The following RHBDD1 variants were observed in gnomAD, a reference collection of about 807,000 sequenced individuals.
The protein encoded by RHBDD1 is rhomboid domain containing 1, also known as rhomboid-related protein 4.
A neutral mutation model predicts 36.3 loss-of-function variants in RHBDD1; 38 were observed. That is an observed-to-expected ratio of 1.05 (90% confidence interval 0.81 to 1.37). The LOEUF is 1.37. Among genes scored for constraint, RHBDD1 ranks in the 40% most tolerant of loss-of-function variants. The pLI, the probability that RHBDD1 is intolerant of heterozygous loss-of-function variation, is 0.00. For synonymous variants in RHBDD1, 151 were observed against 136.5 expected (o/e 1.11, Z -0.74); for missense variants, 393 against 377.6 (o/e 1.04, Z -0.34).
rs1422246363 is a variant in RHBDD1 at position 226,859,455 on chromosome 2, G to C, written c.-90-5149G>C. 2.0e-5 allele frequency among the ~76,000 whole-genome samples: 3 copies of C among 152,304 alleles called. No individual in the cohort carries two copies. In the East Asian group the frequency reaches 5.8e-4, roughly 29 times the overall value. ...GCAAATACTACACTGTTTTATGTAAGGGACTTGAGCATCCATCGATTTTGG... is the reference window on the plus strand; with the variant it reads ...GCAAATACTACACTGTTTTATGTAACGGACTTGAGCATCCATCGATTTTGG... On this transcript the variant is annotated intron_variant, in intron 3 of 8. Coordinates refer to ENST00000392062, the MANE Select transcript of RHBDD1 (RefSeq NM_001167608.3).
intron 3 of RHBDD1, among the ~76,000 whole-genome samples, chr2:226,861,911 C>CAT (rs1433760035): frequency 3.3e-5 from 5 of 152,324 alleles, no homozygotes; most frequent in Admixed American, 1.3e-4. Context: ...AAGAATGCTA[C>CAT]AGAGCTACAA....
chr2:226,973,883 G>T (rs1444194825), intron 8 of RHBDD1, among the ~76,000 whole-genome samples: 1 of 152,196 alleles, frequency 6.6e-6, no homozygotes, highest in Non-Finnish European at 1.5e-5. Context: ...GATTCTGCCT[G>T]TTCATCCTCC....
the RHBDD1 span, among the ~76,000 whole-genome samples, chr2:226,819,079 T>A: frequency 6.6e-6 from 1 of 152,194 alleles, no homozygotes; most frequent in Non-Finnish European, 1.5e-5. Context: ...TTGACTCGTT[T>A]ATATCACCTG....
chr2:226,864,926 A>G lies in RHBDD1; in HGVS notation c.233A>G (p.Asp78Gly). Reference sequence around the variant, plus strand: ...CTCTCTCCCCTTCACCATGCTGATGATTGGCATTTGTATTTCAATATGGCA... The same window carrying G: ...CTCTCTCCCCTTCACCATGCTGATGGTTGGCATTTGTATTTCAATATGGCA... Reference protein sequence around the residue: ...LLLSPLHHADDWHLYFNMASM... With the variant: ...LLLSPLHHADGWHLYFNMASM... The change falls in exon 4 of 9, where the codon GAT (aspartate) becomes GGT (glycine). Residue 78 changes from aspartate to glycine, a missense_variant. By Grantham distance (94) the Asp-to-Gly change is moderately conservative. Coordinates refer to ENST00000392062, the MANE Select transcript of RHBDD1 (RefSeq NM_001167608.3). 6.2e-7 allele frequency: 1 copy of G among 1,614,206 alleles called. No homozygotes were observed. Among genetic ancestry groups the G allele is most frequent in the Non-Finnish European group, 8.5e-7 (1 of 1,180,030 alleles).
At chr2:226,881,750 TA>T (rs1168084228) in intron 5 of RHBDD1, among the ~76,000 whole-genome samples, 3 of 152,238 alleles carry the variant, frequency 2.0e-5, no homozygotes, top group African/African-American at 7.2e-5. Context: ...ATATTTTCTA[TA>T]AGTTTTTTGG....
chr2:226,953,505 A>C (rs1951572176), intron 8 of RHBDD1, among the ~76,000 whole-genome samples: 1 of 152,210 alleles, frequency 6.6e-6, no homozygotes, highest in Non-Finnish European at 1.5e-5. Flanking sequence ...ATGAGCTCAG[A>C]GCCACATGGC....
chr2:226,956,016 C>T (rs1951765684), intron 8 of RHBDD1, among the ~76,000 whole-genome samples: 1 of 152,264 alleles, frequency 6.6e-6, no homozygotes, highest in East Asian at 1.9e-4. Flanking sequence ...TATTGCAGTC[C>T]CCATGACAGC....
intron 8 of RHBDD1, among the ~76,000 whole-genome samples, chr2:226,954,551 T>C (rs1448872301): frequency 6.6e-6 from 1 of 152,136 alleles, no homozygotes; most frequent in Non-Finnish European, 1.5e-5. Flanking sequence ...TCTTTCAACT[T>C]TTCATCTGGT....
intron 8 of RHBDD1, among the ~76,000 whole-genome samples, chr2:226,981,672 T>G (rs1955800614): frequency 6.6e-6 from 1 of 152,138 alleles, no homozygotes; most frequent in African/African-American, 2.4e-5. Flanking sequence ...AAGTGGTTAA[T>G]TAGACTCAGG....
At chr2:226,898,261 G>A (rs1261289177) in intron 5 of RHBDD1, among the ~76,000 whole-genome samples, 1 of 152,206 alleles carries the variant, frequency 6.6e-6, no homozygotes, top group African/African-American at 2.4e-5. Context: ...CAGGCGTAGG[G>A]ACATGGAATT....
At chr2:226,807,998 G>A in the RHBDD1 span, among the ~76,000 whole-genome samples, 2 of 151,018 alleles carry the variant, frequency 1.3e-5, no homozygotes, top group African/African-American at 4.9e-5. Context: ...CTGGGTAACA[G>A]AGCGAGACTC....
upstream of RHBDD1, chr2:226,835,455 C>T (rs1281786553): frequency 6.6e-6 from 1 of 152,284 alleles, no homozygotes; most frequent in Non-Finnish European, 1.5e-5. Context: ...CACCCGCGAC[C>T]TTGCCTTGCT....
Position 226,839,625 on chromosome 2 carries a change from C to T in RHBDD1, c.-93C>T, listed in dbSNP as rs1363584913. The T allele has an allele frequency of 6.6e-6, 1 of 151,930 alleles. No individual in the cohort carries two copies. The highest frequency in any genetic ancestry group is 1.5e-5 in the Non-Finnish European group (1 of 68,000). The allele number at this position is 151,930 out of a possible 1,614,324, so 9.4% of individuals were successfully genotyped here. On this transcript the variant is annotated splice_region_variant and 5_prime_UTR_variant, in exon 3 of 9. Coordinates refer to ENST00000392062, the MANE Select transcript of RHBDD1 (RefSeq NM_001167608.3). ...CTAAAACGTAATGGTATTAAGAATT[C>T]TGGTAAGTGGGATTCACAAACTTGT... is the stretch of plus-strand genomic sequence containing the variant.
intron 3 of RHBDD1, among the ~76,000 whole-genome samples, chr2:226,840,359 G>C (rs1354670583): frequency 1.3e-5 from 2 of 152,214 alleles, no homozygotes; most frequent in South Asian, 2.1e-4. Context: ...TGCATGTTGG[G>C]GTTATTTACC....
chr2:226,880,753 A>T (rs899931220), intron 5 of RHBDD1, among the ~76,000 whole-genome samples: 1 of 152,226 alleles, frequency 6.6e-6, no homozygotes, highest in African/African-American at 2.4e-5. Context: ...TTCTTTAGGT[A>T]TTCTTTTCAA....
chr2:226,964,537 A>G (rs1952475964), intron 8 of RHBDD1, among the ~76,000 whole-genome samples: 1 of 152,124 alleles, frequency 6.6e-6, no homozygotes, highest in African/African-American at 2.4e-5. Flanking sequence ...TTCTTCTCCC[A>G]AGGCTTTAGT....
At chr2:226,893,883 C>T (rs1264975890) in intron 5 of RHBDD1, among the ~76,000 whole-genome samples, 1 of 152,166 alleles carries the variant, frequency 6.6e-6, no homozygotes, top group Non-Finnish European at 1.5e-5. Context: ...GTCGAAAGGA[C>T]ATTCTTGTAA....
At chr2:226,991,723 G>C (rs1218291025) in intron 8 of RHBDD1, among the ~76,000 whole-genome samples, 1 of 152,218 alleles carries the variant, frequency 6.6e-6, no homozygotes, top group Non-Finnish European at 1.5e-5. Context: ...CCAAGAGCAA[G>C]AGGGTAGCCT....
chr2:226,943,643 T>C (rs1470677551), intron 8 of RHBDD1, among the ~76,000 whole-genome samples: 3 of 118,686 alleles, frequency 2.5e-5, no homozygotes, highest in Non-Finnish European at 3.4e-5. Flanking sequence ...CTCTGGGGGT[T>C]AGTAAGGCCC....
Sources: allele counts gnomAD v4.1 joint callset (sites outside exome capture counted in the v4.1 genomes callset), GRCh38; gene constraint gnomAD v4.1.1; transcripts MANE v1.5; gene names NCBI Gene and HGNC (gene_info 2026-07-23, HGNC 2026-07-21).